Variants in ZMYND10 observed in about 807,000 individuals in gnomAD.
The protein encoded by ZMYND10 is zinc finger MYND domain-containing protein 10.
A neutral mutation model predicts 62.6 loss-of-function variants in ZMYND10; 52 were observed. The ratio of observed to expected loss-of-function variants is 0.83; its 90% CI spans 0.67 to 1.05. The LOEUF is 1.05. ZMYND10 is among the 50% of genes least tolerant of loss of function. The pLI is 0.00. For missense variants in ZMYND10, 438 were observed against 543.3 expected, an observed-to-expected ratio of 0.81 and a Z score of 1.93; for synonymous variants, 197 against 218.5, an observed-to-expected ratio of 0.90 and a Z score of 0.87.
chr3:50,341,459 T>C lies in ZMYND10; in HGVS notation c.1274A>G (p.Lys425Arg). Reference sequence around the variant, plus strand: ...TGCCAGGACACAAGTCTTTCCATGCTTTTCCCAGTGCTTGACTTGGCACTC... The same window carrying C: ...TGCCAGGACACAAGTCTTTCCATGCCTTTCCCAGTGCTTGACTTGGCACTC... ...CRECQVKHWE[K>R]HGKTCVLAAQ... Residue 425 changes from lysine (K) to arginine (R), a missense_variant, in exon 12 of 12, where the codon AAG (lysine) becomes AGG (arginine). Transcript: ENST00000231749. The C allele has an allele frequency of 6.2e-7, 1 of 1,614,212 alleles. No individual in the cohort carries two copies. Among genetic ancestry groups the C allele is most frequent in the Non-Finnish European group, 8.5e-7 (1 of 1,180,040 alleles).
chr3:50,343,415 G>A lies in ZMYND10; in HGVS notation c.402C>T (p.Val134=). The A allele has an allele frequency of 6.2e-7, 1 of 1,613,314 alleles. No individual in the cohort carries two copies. Among genetic ancestry groups the A allele is most frequent in the Non-Finnish European group, 8.5e-7 (1 of 1,179,402 alleles). ...KEVCESAEDT[V]LDLVDYCHRK... ...GGTGGCAATAGTCTACCAAGTCCAA[G>A]ACAGTGTCTTCTGCTGACTCACACA... The change falls in exon 5 of 12, where the codon GTC becomes GTT. Residue 134 remains valine, a synonymous_variant. Transcript: ENST00000231749.
Position 50,341,408 on chromosome 3 carries a change from C to G in ZMYND10, c.*2G>C. On this transcript the variant is annotated 3_prime_UTR_variant, in exon 12 of 12. Coordinates refer to ENST00000231749, the MANE Select transcript of ZMYND10 (RefSeq NM_015896.4). ...GTGGTCGGCCCTCAGCAACTGCAGCCCTCATTTGGCTCTGTCACCCTGGGC... is the reference window on the plus strand; with the variant it reads ...GTGGTCGGCCCTCAGCAACTGCAGCGCTCATTTGGCTCTGTCACCCTGGGC... The G allele has an allele frequency of 6.2e-6, 10 of 1,614,098 alleles. No individual in the cohort carries two copies. The highest frequency in any genetic ancestry group is 7.6e-6 in the Non-Finnish European group (9 of 1,180,020).
At position 50,345,234 on chromosome 3, in the gene ZMYND10, T is replaced by TGCCTCAGAGGGTAAGTGCATGTGCG; in HGVS notation, c.93-27_93-3dup. On this transcript the variant is annotated splice_polypyrimidine_tract_variant and splice_region_variant and intron_variant, in intron 1 of 11. Coordinates refer to ENST00000231749, the MANE Select transcript of ZMYND10 (RefSeq NM_015896.4). The surrounding 1 kb of genome is among the most constrained non-coding windows in gnomAD (Gnocchi z 5.0). ...AGGTTCTCATGCTGCTGGTTCCACC[T>TGCCTCAGAGGGTAAGTGCATGTGCG]GCCTCAGAGGGTAAGTGCATGTGCG... The TGCCTCAGAGGGTAAGTGCATGTGCG allele has an allele frequency of 6.2e-7, 1 of 1,613,116 alleles. No individual in the cohort carries two copies. The highest frequency in any genetic ancestry group is 8.5e-7 in the Non-Finnish European group (1 of 1,179,618).
chr3:50,345,456 C>A lies in ZMYND10; in HGVS notation c.92+32G>T, dbSNP rs1016253814. On this transcript the variant is annotated intron_variant, in intron 1 of 11. Coordinates refer to ENST00000231749, the MANE Select transcript of ZMYND10 (RefSeq NM_015896.4). The surrounding 1 kb of genome is among the most constrained non-coding windows in gnomAD (Gnocchi z 5.0). ...CAGCTCCCCGACTCAAGGACAATGA[C>A]TCCGGGACTCCGCCTGACCCGGGTG... 10 of 1,563,014 alleles carry A rather than the reference C, an allele frequency of 6.4e-6. No homozygotes were observed. In the Admixed American group the frequency reaches 1.9e-4, roughly 29 times the overall value.
Position 50,341,245 on chromosome 3 carries a change from T to G in ZMYND10, c.*165A>C. On this transcript the variant is annotated 3_prime_UTR_variant, in exon 12 of 12. Transcript: ENST00000231749. Reference sequence around the variant, plus strand: ...GGGCAGGAAGTCTCGAGCCTTCACTTGGGGTGAGGAGGAGGGAGATCGGTC... The same window carrying G: ...GGGCAGGAAGTCTCGAGCCTTCACTGGGGGTGAGGAGGAGGGAGATCGGTC... 2.4e-6 allele frequency: 2 copies of G among 833,348 alleles called. No homozygotes were observed. The highest frequency in any genetic ancestry group is 3.7e-6 in the Non-Finnish European group (2 of 537,806). The allele number at this position is 833,348 out of a possible 1,614,324, so 51.6% of individuals were successfully genotyped here.
intron 2 of ZMYND10, 108 bp from the exon 3 acceptor site, chr3:50,343,958 C>T: frequency 1.0e-6 from 1 of 965,746 alleles, no homozygotes; most frequent in Middle Eastern, 2.2e-4. Context: ...ACTGCTGGGC[C>T]CCTAAACTAT....
intron 7 of ZMYND10, 104 bp downstream of exon 7, chr3:50,342,814 C>A: frequency 1.3e-6 from 2 of 1,482,186 alleles, no homozygotes; most frequent in Non-Finnish European, 1.8e-6. Flanking sequence ...CCTCAGTGGG[C>A]TTGGGGACAG....
intron 5 of ZMYND10, 37 bp from the exon 6 acceptor site, chr3:50,343,243 C>T (rs1401522274): frequency 6.2e-7 from 1 of 1,614,004 alleles, no homozygotes; most frequent in South Asian, 1.1e-5. Flanking sequence ...GGGCCACCCT[C>T]ACCTGCGCAG....
chr3:50,343,147 T>C lies in ZMYND10; in HGVS notation c.570A>G (p.Val190=). ...EFEIALKALS[V]LRYITDCVDS... is the part of the protein sequence containing the mutation. ...CCACACAGTCTGTGATGTAGCGTAGTACTGAGAGGGCCTTCAGTGCAATCT... is the reference window on the plus strand; with the variant it reads ...CCACACAGTCTGTGATGTAGCGTAGCACTGAGAGGGCCTTCAGTGCAATCT... The change falls in exon 6 of 12, where the codon GTA becomes GTG. Residue 190 remains valine (V), a synonymous_variant. Coordinates refer to ENST00000231749, the MANE Select transcript of ZMYND10 (RefSeq NM_015896.4). 1.2e-6 allele frequency: 2 copies of C among 1,614,224 alleles called. No homozygotes were observed. The highest frequency in any genetic ancestry group is 1.7e-6 in the Non-Finnish European group (2 of 1,180,022).
At position 50,345,475 on chromosome 3, in the gene ZMYND10, C is replaced by A; in HGVS notation, c.92+13G>T. On this transcript the variant is annotated intron_variant, in intron 1 of 11. Coordinates refer to ENST00000231749, the MANE Select transcript of ZMYND10 (RefSeq NM_015896.4). The surrounding 1 kb of genome is among the most constrained non-coding windows in gnomAD (Gnocchi z 5.0). ...CAATGACTCCGGGACTCCGCCTGAC[C>A]CGGGTGCCTCACCCTTCGGAGCCCA... 6.3e-7 allele frequency: 1 copy of A among 1,587,238 alleles called. No individual in the cohort carries two copies. Among genetic ancestry groups the A allele is most frequent in the Non-Finnish European group, 8.6e-7 (1 of 1,166,918 alleles).
At chr3:50,341,779 C>T in intron 10 of ZMYND10, 31 bp downstream of exon 10, 2 of 1,612,206 alleles carry the variant, frequency 1.2e-6, no homozygotes, top group Non-Finnish European at 1.7e-6. Flanking sequence ...TGCATCCCCT[C>T]CACCCTCCCT....
Position 50,345,534 on chromosome 3 carries a change from C to T in ZMYND10, c.46G>A (p.Val16Met), listed in dbSNP as rs767062827. The T allele has an allele frequency of 2.5e-6, 4 of 1,609,930 alleles. No homozygotes were observed. The highest frequency in any genetic ancestry group is 3.4e-6 in the Non-Finnish European group (4 of 1,178,678). ...LLLPGEAEVL[V>M]RGLRSFPLRE... ...AGCGGGAAGCTGCGCAGACCCCGCA[C>T]CAGCACTTCAGCTTCCCCGGGCAGC... The change falls in exon 1 of 12, where the codon GTG (valine) becomes ATG (methionine). Residue 16 changes from valine (V) to methionine (M), a missense_variant. Transcript: ENST00000231749. This position sits in a 1 kb window ranked among gnomAD's most constrained non-coding sequence, Gnocchi z 5.0.
intron 10 of ZMYND10, 43 bp downstream of exon 10, chr3:50,341,767 C>G (rs1198716316): frequency 1.2e-6 from 2 of 1,612,002 alleles, no homozygotes; most frequent in Non-Finnish European, 1.7e-6. Context: ...ATCCATGCCT[C>G]CTGCATCCCC....
intron 9 of ZMYND10, 41 bp downstream of exon 9, chr3:50,341,974 G>A: frequency 6.2e-7 from 1 of 1,614,226 alleles, no homozygotes; most frequent in South Asian, 1.1e-5. Flanking sequence ...TGCTGGTAAA[G>A]TGGGACAGTG....
chr3:50,344,996 T>C lies in ZMYND10; in HGVS notation c.201+128A>G, dbSNP rs1282821247. ...GATACAAAATGAAACATGTAACACATTCCTCTTTGTCCTTCAGGGAGAACA... is the reference window on the plus strand; with the variant it reads ...GATACAAAATGAAACATGTAACACACTCCTCTTTGTCCTTCAGGGAGAACA... On this transcript the variant is annotated intron_variant, in intron 2 of 11. Coordinates refer to ENST00000231749, the MANE Select transcript of ZMYND10 (RefSeq NM_015896.4). The C allele has an allele frequency of 7.8e-5, 58 of 741,522 alleles. No individual in the cohort carries two copies. In the East Asian group the frequency reaches 1.5e-3, roughly 19 times the overall value. 45.9% of individuals were successfully genotyped at this position (741,522 alleles called of 1,614,324 possible).
In ZMYND10 at chr3:50,341,706, G is replaced by A. The variant is rs1703382965; in HGVS notation, c.1122-7C>T. 4.3e-6 allele frequency: 7 copies of A among 1,614,042 alleles called. No homozygotes were observed. Among genetic ancestry groups the A allele is most frequent in the Non-Finnish European group, 5.1e-6 (6 of 1,179,940 alleles). On this transcript the variant is annotated splice_region_variant and splice_polypyrimidine_tract_variant and intron_variant, in intron 10 of 11. Transcript: ENST00000231749. ...CCTGTAGGTCTCAGCCCACCTGGGG[G>A]AAAGTCAGGAAGGTCTGACTGGCCC... is the stretch of plus-strand genomic sequence containing the variant.
chr3:50,342,386 G>T lies in ZMYND10; in HGVS notation c.873+11C>A. The T allele has an allele frequency of 6.4e-7, 1 of 1,565,228 alleles. No individual in the cohort carries two copies. The highest frequency in any genetic ancestry group is 2.4e-5 in the East Asian group (1 of 41,686). ...CTGGGGCTGTGGGGGCTGGTGCGGA[G>T]GGAGTCTGACCTTGAGTAGCCGTCC... On this transcript the variant is annotated intron_variant, in intron 8 of 11. Transcript: ENST00000231749.
chr3:50,343,098 G>A lies in ZMYND10; in HGVS notation c.599+20C>T. On this transcript the variant is annotated intron_variant, in intron 6 of 11. Coordinates refer to ENST00000231749, the MANE Select transcript of ZMYND10 (RefSeq NM_015896.4). ...CTTCCAGCCCTCCACAGTAGGCCCAGGCCCAGTCGGACTGCTCACCTGTCC... is the reference window on the plus strand; with the variant it reads ...CTTCCAGCCCTCCACAGTAGGCCCAAGCCCAGTCGGACTGCTCACCTGTCC... 1 of 1,614,182 alleles carries A rather than the reference G, an allele frequency of 6.2e-7. No individual in the cohort carries two copies. Among genetic ancestry groups the A allele is most frequent in the Non-Finnish European group, 8.5e-7 (1 of 1,179,986 alleles).
chr3:50,342,191 G>C (rs899210177), intron 8 of ZMYND10, 51 bp from the exon 9 acceptor site: 2 of 1,592,434 alleles, frequency 1.3e-6, no homozygotes, highest in African/African-American at 2.7e-5. Flanking sequence ...TGGCCAGGGG[G>C]CCAAGGAAAA....
Sources: gnomAD v4.1 joint callset for allele counts on GRCh38, gnomAD v4.1.1 for gene constraint, Gnocchi (gnomAD v3.1) non-coding constraint, MANE v1.5 for transcripts, NCBI Gene and HGNC (gene_info 2026-07-23, HGNC 2026-07-21) for gene names.